NPAS3: variants seen among roughly 807,000 people sequenced by gnomAD.
NPAS3 encodes the protein neuronal PAS domain-containing protein 3.
NPAS3 carries 14 observed loss-of-function variants against 73.1 expected under a neutral mutation model. The observed-to-expected ratio is 0.19, with a 90% CI of 0.13 to 0.30. The LOEUF is 0.30. Among genes scored for constraint, NPAS3 ranks in the 10% least tolerant of loss-of-function variants. The pLI, the probability that NPAS3 is intolerant of heterozygous loss-of-function variation, is 1.00. For missense variants in NPAS3, 1,096 were observed against 1,250.0 expected, an observed-to-expected ratio of 0.88 and a Z score of 1.86; for synonymous variants, 620 against 541.5, an observed-to-expected ratio of 1.14 and a Z score of -2.01.
At chr14:32,992,997 A>G (rs10150668) in intron 1 of NPAS3, among the ~76,000 whole-genome samples, 90,657 of 151,784 alleles carry the variant, frequency 0.6, 29,001 homozygotes, top group East Asian at 0.8. Flanking sequence ...TCTACTAAAA[A>G]TACAAAAAAT....
chr14:33,553,041 C>A (rs1490737848), intron 4 of NPAS3, among the ~76,000 whole-genome samples: 2 of 152,188 alleles, frequency 1.3e-5, no homozygotes, highest in African/African-American at 2.4e-5. Flanking sequence ...CCAAATGGAG[C>A]CCCGGTTCCT....
intron 5 of NPAS3, among the ~76,000 whole-genome samples, chr14:33,580,505 G>T (rs944872699): frequency 1.3e-5 from 2 of 152,130 alleles, no homozygotes; most frequent in Non-Finnish European, 1.5e-5. Flanking sequence ...TTAAAGGCTG[G>T]TGAGAGCCTT....
chr14:33,706,528 C>G (rs1344450845), intron 6 of NPAS3, among the ~76,000 whole-genome samples: 1 of 152,088 alleles, frequency 6.6e-6, no homozygotes, highest in Non-Finnish European at 1.5e-5. Flanking sequence ...AAACGTCTGA[C>G]AAAATGGACA....
intron 3 of NPAS3, among the ~76,000 whole-genome samples, chr14:33,294,563 A>T (rs2042220743): frequency 1.3e-5 from 2 of 152,152 alleles, no homozygotes. Flanking sequence ...AGTTCCATGA[A>T]ATCAGGGATA....
At chr14:33,294,592 C>G (rs2042221590) in intron 3 of NPAS3, among the ~76,000 whole-genome samples, 1 of 152,126 alleles carries the variant, frequency 6.6e-6, no homozygotes, top group Non-Finnish European at 1.5e-5. Flanking sequence ...TTTTGCTTGG[C>G]TCTATATTCT....
At chr14:33,269,283 C>T (rs1239406040) in intron 3 of NPAS3, among the ~76,000 whole-genome samples, 1 of 152,146 alleles carries the variant, frequency 6.6e-6, no homozygotes, top group African/African-American at 2.4e-5. Flanking sequence ...ACAACACCCT[C>T]CTAAGTTGGT....
At chr14:32,969,776 C>T (rs1458897082) in intron 1 of NPAS3, among the ~76,000 whole-genome samples, 5 of 152,008 alleles carry the variant, frequency 3.3e-5, no homozygotes, top group African/African-American at 4.8e-5. Context: ...AATGATAGGT[C>T]GTGGAATTAG....
intron 2 of NPAS3, among the ~76,000 whole-genome samples, chr14:33,113,382 A>G (rs1407960402): frequency 6.6e-6 from 1 of 152,138 alleles, no homozygotes; most frequent in Non-Finnish European, 1.5e-5. Flanking sequence ...GAGGTCCTTC[A>G]CGTCCCTTGT....
intron 1 of NPAS3, among the ~76,000 whole-genome samples, chr14:32,955,303 T>C (rs2036631172): frequency 6.6e-6 from 1 of 152,158 alleles, no homozygotes; most frequent in Non-Finnish European, 1.5e-5. Context: ...TAGTAAGTAG[T>C]GAGATCACAC....
At chr14:33,771,520 G>A (rs1057075633) in intron 7 of NPAS3, among the ~76,000 whole-genome samples, 8 of 152,232 alleles carry the variant, frequency 5.3e-5, no homozygotes, top group Non-Finnish European at 7.4e-5. Context: ...TTAATAAACT[G>A]GCATCTGGTG....
At chr14:33,492,298 TA>T (rs538347623) in intron 4 of NPAS3, among the ~76,000 whole-genome samples, 108 of 152,024 alleles carry the variant, frequency 7.1e-4, no homozygotes, top group African/African-American at 2.4e-3. Flanking sequence ...GGCACATCTG[TA>T]AAAAAAAGAA....
At chr14:33,223,722 C>T (rs1420963684) in intron 3 of NPAS3, among the ~76,000 whole-genome samples, 1 of 152,118 alleles carries the variant, frequency 6.6e-6, no homozygotes, top group Non-Finnish European at 1.5e-5. Context: ...TTTCAAAAGC[C>T]ACATACCCTA....
At chr14:33,004,494 C>T (rs1196341715) in intron 1 of NPAS3, among the ~76,000 whole-genome samples, 5 of 152,100 alleles carry the variant, frequency 3.3e-5, no homozygotes, top group Non-Finnish European at 2.9e-5. Context: ...GTGAATGGAG[C>T]TTGCAGGACT....
At chr14:33,073,699 C>T (rs547495657) in intron 2 of NPAS3, among the ~76,000 whole-genome samples, 1 of 152,122 alleles carries the variant, frequency 6.6e-6, no homozygotes, top group Admixed American at 6.5e-5. Flanking sequence ...TTTAGGCATA[C>T]GGAGTCTTGA....
chr14:33,466,526 T>C (rs1054448130), intron 4 of NPAS3, among the ~76,000 whole-genome samples: 3 of 152,180 alleles, frequency 2.0e-5, no homozygotes, highest in African/African-American at 7.2e-5. Flanking sequence ...GTTTACTCCT[T>C]GTATTAGTCA....
At chr14:33,100,263 T>C (rs2042544130) in intron 2 of NPAS3, among the ~76,000 whole-genome samples, 1 of 152,186 alleles carries the variant, frequency 6.6e-6, no homozygotes, top group African/African-American at 2.4e-5. Context: ...TTGTGCTGAA[T>C]ATTAAGATAC....
chr14:33,361,949 A>G (rs1230977471), intron 3 of NPAS3, among the ~76,000 whole-genome samples: 1 of 152,192 alleles, frequency 6.6e-6, no homozygotes, highest in African/African-American at 2.4e-5. Context: ...TTTTAATACT[A>G]GAAACTAACC....
intron 5 of NPAS3, among the ~76,000 whole-genome samples, chr14:33,660,373 T>G (rs1488047946): frequency 6.6e-6 from 1 of 152,204 alleles, no homozygotes; most frequent in Non-Finnish European, 1.5e-5. Context: ...TCCTGAGGCT[T>G]CCTTGTTCTT....
At chr14:33,167,759 GCTAA>G (rs2045219603) in intron 2 of NPAS3, among the ~76,000 whole-genome samples, 1 of 152,148 alleles carries the variant, frequency 6.6e-6, no homozygotes, top group Admixed American at 6.6e-5. Flanking sequence ...AGATACCGTT[GCTAA>G]CTGTTACATT....
Sources: allele counts gnomAD v4.1 joint callset (sites outside exome capture counted in the v4.1 genomes callset), GRCh38; gene constraint gnomAD v4.1.1; transcripts MANE v1.5; gene names NCBI Gene and HGNC (gene_info 2026-07-23, HGNC 2026-07-21).